PDZRN3: variants seen among roughly 807,000 people sequenced by gnomAD.
PDZRN3 encodes PDZ domain containing ring finger 3.
In PDZRN3, 38 loss-of-function variants were observed where a neutral mutation model predicts 85.7. That is an observed-to-expected ratio of 0.44 (90% CI 0.34 to 0.58). PDZRN3 has a LOEUF of 0.58. Among genes scored for constraint, PDZRN3 ranks in the 20% least tolerant of loss-of-function variants. The pLI, the probability that PDZRN3 is intolerant of heterozygous loss-of-function variation, is 0.01. For synonymous variants in PDZRN3, 759 were observed against 638.0 expected, an observed-to-expected ratio of 1.19 and a Z score of -2.86; for missense variants, 1,629 against 1,506.4, an observed-to-expected ratio of 1.08 and a Z score of -1.35.
intron 3 of PDZRN3, among the ~76,000 whole-genome samples, chr3:73,546,086 C>T (rs552060401): frequency 6.6e-6 from 1 of 152,032 alleles, no homozygotes; most frequent in Non-Finnish European, 1.5e-5. Flanking sequence ...TATACTGTGT[C>T]CGCAGTATAC....
At chr3:73,551,758 T>C (rs1046090914) in intron 3 of PDZRN3, among the ~76,000 whole-genome samples, 6 of 151,178 alleles carry the variant, frequency 4.0e-5, no homozygotes, top group Non-Finnish European at 7.4e-5. Context: ...ATTAGAAGCC[T>C]ACAGAGAAAA....
At chr3:73,602,546 T>C (rs895636068) in intron 2 of PDZRN3, 85 bp from the exon 3 acceptor site, 4 of 726,778 alleles carry the variant, frequency 5.5e-6, no homozygotes, top group Non-Finnish European at 9.8e-6. Context: ...AAACAGTAAT[T>C]GACTCTTGCT....
chr3:73,591,998 A>G (rs1702363553), intron 3 of PDZRN3, among the ~76,000 whole-genome samples: 1 of 152,192 alleles, frequency 6.6e-6, no homozygotes, highest in Non-Finnish European at 1.5e-5. Flanking sequence ...ACATATGTCT[A>G]CTAATGGTTT....
intron 3 of PDZRN3, among the ~76,000 whole-genome samples, chr3:73,537,870 C>T (rs1242385321): frequency 2.6e-5 from 4 of 152,076 alleles, no homozygotes; most frequent in Middle Eastern, 3.4e-3. Flanking sequence ...AAATGATCCG[C>T]CCGCCTCGGC....
chr3:73,383,319 C>T lies in PDZRN3; in HGVS notation c.*46G>A, dbSNP rs182215966. On this transcript the variant is annotated 3_prime_UTR_variant, in exon 10 of 10. Transcript: ENST00000263666. Reference sequence around the variant, plus strand: ...CATTGAACGAGGCAGGAATTTCTACCCCAGTGGTAGTGGTCTCCTTTATGT... The same window carrying T: ...CATTGAACGAGGCAGGAATTTCTACTCCAGTGGTAGTGGTCTCCTTTATGT... The T allele has an allele frequency of 1.0e-3, 1,513 of 1,518,902 alleles. 2 individuals carry two copies. Among genetic ancestry groups the T allele is most frequent in the Admixed American group, 1.2e-3 (58 of 47,616 alleles). 94.1% of individuals were successfully genotyped at this position (1,518,902 alleles called of 1,614,324 possible).
At chr3:73,425,554 C>T (rs1186461885) in intron 3 of PDZRN3, among the ~76,000 whole-genome samples, 12 of 151,348 alleles carry the variant, frequency 7.9e-5, no homozygotes, top group Admixed American at 7.2e-4. Flanking sequence ...CATCCTTTAC[C>T]AGTCTGTCAC....
At chr3:73,600,865 A>G (rs1221635315) in intron 3 of PDZRN3, among the ~76,000 whole-genome samples, 10 of 152,238 alleles carry the variant, frequency 6.6e-5, no homozygotes, top group Admixed American at 2.6e-4. Context: ...CTCTTGCCCA[A>G]GCAAATTCCT....
rs142538583 is a variant in PDZRN3, at chr3:73,567,201, A to T, written c.918+35153T>A. On this transcript the variant is annotated intron_variant, in intron 3 of 9. Coordinates refer to ENST00000263666, the MANE Select transcript of PDZRN3 (RefSeq NM_015009.3). ...TTATAAGAATCTGGTAGTTTGATCA[A>T]CATGGACATCTATCCTTCCTGGGGC... is the stretch of plus-strand genomic sequence containing the variant. 1.5e-3 allele frequency among the ~76,000 whole-genome samples: 230 copies of T among 152,330 alleles called. 2 individuals carry two copies. Among genetic ancestry groups the T allele is most frequent in the African/African-American group, 4.6e-3 (192 of 41,584 alleles).
chr3:73,455,195 C>T (rs1289907901), intron 3 of PDZRN3, among the ~76,000 whole-genome samples: 1 of 152,126 alleles, frequency 6.6e-6, no homozygotes, highest in Non-Finnish European at 1.5e-5. Flanking sequence ...CATCATCATC[C>T]ATTTACTTTA....
At chr3:73,385,037 T>C in intron 9 of PDZRN3, 107 bp from the exon 10 acceptor site, 5 of 1,325,268 alleles carry the variant, frequency 3.8e-6, no homozygotes, top group Middle Eastern at 2.6e-4. Flanking sequence ...TGTACATTTC[T>C]AAGGCCAAGG....
intron 3 of PDZRN3, among the ~76,000 whole-genome samples, chr3:73,498,672 C>T (rs567117429): frequency 6.6e-6 from 1 of 152,008 alleles, no homozygotes; most frequent in Admixed American, 6.6e-5. Context: ...GCAACCTACG[C>T]CTCCTGGGTT....
At chr3:73,408,591 G>A (rs9819255) in intron 3 of PDZRN3, among the ~76,000 whole-genome samples, 98,067 of 150,284 alleles carry the variant, frequency 0.65, 32,285 homozygotes, top group East Asian at 0.85. Context: ...TTGGAGGAGG[G>A]GGGGGGGTGC....
chr3:73,600,337 A>ACACACACACTCTCTCTCTCTCTCTCTCT (rs34405662), intron 3 of PDZRN3, among the ~76,000 whole-genome samples: 1 of 100,050 alleles, frequency 1.0e-5, no homozygotes, highest in African/African-American at 4.3e-5. Context: ...ACACACACAC[A>ACACACACACTCTCTCTCTCTCTCTCTCT]CTCTCTCTCT....
At chr3:73,448,249 A>AT (rs1446262775) in intron 3 of PDZRN3, among the ~76,000 whole-genome samples, 2 of 152,186 alleles carry the variant, frequency 1.3e-5, no homozygotes, top group African/African-American at 2.4e-5. Context: ...CCAAGTCTTC[A>AT]TTTTTTCTTC....
intron 5 of PDZRN3, among the ~76,000 whole-genome samples, chr3:73,397,075 C>T (rs539554772): frequency 6.6e-6 from 1 of 150,868 alleles, no homozygotes; most frequent in Non-Finnish European, 1.5e-5. Context: ...GCTCTGTTGC[C>T]CAGGCTGGAG....
intron 3 of PDZRN3, among the ~76,000 whole-genome samples, chr3:73,535,057 G>C (rs1024355739): frequency 6.6e-6 from 1 of 152,008 alleles, no homozygotes; most frequent in African/African-American, 2.4e-5. Flanking sequence ...CTTCTCGGGG[G>C]TTAAGGCTAA....
rs144045534 is a variant in PDZRN3, at chr3:73,557,747, T to C, written c.918+44607A>G. On this transcript the variant is annotated intron_variant, in intron 3 of 9. Transcript: ENST00000263666. ...AAATATTTAAAGATATTGGAGACTA[T>C]GTTGTTATGATTCAAAAGGTATGCA... Among the ~76,000 whole-genome samples the C allele has an allele frequency of 2.0e-3, 309 of 152,254 alleles. 4 individuals carry two copies. The highest frequency in any genetic ancestry group is 6.4e-3 in the African/African-American group (265 of 41,564).
intron 3 of PDZRN3, chr3:73,434,057 T>C (rs1042150801): frequency 1.3e-5 from 7 of 557,468 alleles, no homozygotes; most frequent in African/African-American, 4.1e-5. Context: ...TCAGCTCTCA[T>C]TGACTATTCA....
chr3:73,526,100 TC>T (rs996393612), intron 3 of PDZRN3, among the ~76,000 whole-genome samples: 2 of 152,208 alleles, frequency 1.3e-5, no homozygotes, highest in Non-Finnish European at 2.9e-5. Context: ...GGTAGTTTCT[TC>T]ATCTTAAGTA....
Sources: gnomAD v4.1 joint callset for allele counts (sites outside exome capture counted in the v4.1 genomes callset) on GRCh38, gnomAD v4.1.1 for gene constraint, MANE v1.5 for transcripts, NCBI Gene and HGNC (gene_info 2026-07-23, HGNC 2026-07-21) for gene names.